COL4A6: variants seen among roughly 807,000 people sequenced by gnomAD.
COL4A6 encodes collagen type IV alpha 6 chain.
In COL4A6, 59 loss-of-function variants were observed where a neutral mutation model predicts 126.7. That is an observed-to-expected ratio of 0.47 (90% CI 0.38 to 0.58). COL4A6 has a LOEUF of 0.58. Among genes scored for constraint, COL4A6 ranks in the 20% least tolerant of loss-of-function variants. COL4A6 has a pLI of 0.00. For missense variants in COL4A6, 1,285 were observed against 1,337.3 expected, an observed-to-expected ratio of 0.96 and a Z score of 0.61; for synonymous variants, 547 against 496.6, an observed-to-expected ratio of 1.10 and a Z score of -1.35.
chrX:108,316,230 C>G lies in COL4A6; in HGVS notation c.64-5402G>C, dbSNP rs1418747896. On this transcript the variant is annotated intron_variant, in intron 2 of 44. Transcript: ENST00000334504. Reference sequence around the variant, plus strand: ...AAGACTGGCTGTGTATAATTTTATTCTCACCATTCATTCAACAAATATTTA... The same window carrying G: ...AAGACTGGCTGTGTATAATTTTATTGTCACCATTCATTCAACAAATATTTA... 2.7e-5 allele frequency among the ~76,000 whole-genome samples: 3 copies of G among 112,152 alleles called. No homozygotes were observed. The Admixed American group carries it at 2.8e-4, about 11-fold the overall frequency.
chrX:108,423,392 G>C (rs1329149274), intron 2 of COL4A6, among the ~76,000 whole-genome samples: 1 of 111,954 alleles, frequency 8.9e-6, no homozygotes, highest in Non-Finnish European at 1.9e-5. Flanking sequence ...GTAATGCTAA[G>C]AGTGTTATGT....
Position 108,161,857 on chromosome X carries a change from G to A in COL4A6, c.4217-122C>T, listed in dbSNP as rs756346230. ...CTAGGAGACGATGCACTTGGCTGTC[G>A]ACTTGGTGTGCACACTGCACATCAA... On this transcript the variant is annotated intron_variant, in intron 41 of 44. Transcript: ENST00000334504. The A allele has an allele frequency of 4.2e-5, 20 of 476,719 alleles. No individual in the cohort carries two copies. In the South Asian group the frequency reaches 4.6e-4, roughly 11 times the overall value. 39.3% of individuals were successfully genotyped at this position (476,719 alleles called of 1,213,427 possible).
chrX:108,277,442 T>C (rs2037642871), intron 3 of COL4A6, among the ~76,000 whole-genome samples: 1 of 111,853 alleles, frequency 8.9e-6, no homozygotes, highest in Non-Finnish European at 1.9e-5. Flanking sequence ...GGGGGATGGG[T>C]GCCCACCATT....
At chrX:108,160,842 T>C (rs1402123803) in intron 42 of COL4A6, among the ~76,000 whole-genome samples, 188 bp from the exon 43 acceptor site, 1 of 112,428 alleles carries the variant, frequency 8.9e-6, no homozygotes, top group Non-Finnish European at 1.9e-5. Context: ...TCAGATGTCC[T>C]ACAGCTAGTA....
At chrX:108,219,592 C>G (rs1267940187) in intron 5 of COL4A6, 106 bp downstream of exon 5, 14 of 720,569 alleles carry the variant, frequency 1.9e-5, no homozygotes, top group Non-Finnish European at 3.0e-5. Context: ...AACACTTGTT[C>G]CTGAGCATGC....
chrX:108,265,417 T>C (rs977346043), intron 3 of COL4A6, among the ~76,000 whole-genome samples: 4 of 110,372 alleles, frequency 3.6e-5, no homozygotes, highest in African/African-American at 9.9e-5. Flanking sequence ...ACATGGAACT[T>C]ATATCTAGAG....
chrX:108,156,742 A>G lies in COL4A6; in HGVS notation c.*258T>C, dbSNP rs2033749411. 1 of 401,022 alleles carries G rather than the reference A, an allele frequency of 2.5e-6. No individual in the cohort carries two copies. Among genetic ancestry groups the G allele is most frequent in the Non-Finnish European group, 4.3e-6 (1 of 231,199 alleles). The allele number at this position is 401,022 out of a possible 1,213,427, so 33.0% of individuals were successfully genotyped here. ...TCAAATCTTTCTGAGGTAGCCATGAATAGTCACACAATCATCCAAATCAAA... is the reference window on the plus strand; with the variant it reads ...TCAAATCTTTCTGAGGTAGCCATGAGTAGTCACACAATCATCCAAATCAAA... On this transcript the variant is annotated 3_prime_UTR_variant, in exon 45 of 45. Coordinates refer to ENST00000334504, the MANE Select transcript of COL4A6 (RefSeq NM_033641.4).
rs747025580 is a variant in COL4A6, at chrX:108,180,978, G to GT, written c.1952-11dup. The stretch of plus-strand genomic sequence containing the variant: ...CAGGGCAGGGTGATTCCTGTAAATG[G>GT]TAACATGTGTGCATTCAGTGAACCC... On this transcript the variant is annotated splice_polypyrimidine_tract_variant and intron_variant, in intron 23 of 44. Transcript: ENST00000334504. The GT allele has an allele frequency of 8.4e-7, 1 of 1,194,235 alleles. No individual in the cohort carries two copies. Among genetic ancestry groups the GT allele is most frequent in the Admixed American group, 2.2e-5 (1 of 45,820 alleles).
intron 3 of COL4A6, among the ~76,000 whole-genome samples, chrX:108,257,300 A>G (rs772248329): frequency 2.7e-5 from 3 of 111,813 alleles, no homozygotes; most frequent in Admixed American, 9.4e-5. Flanking sequence ...ATGATGTTCC[A>G]GTGAACCAAG....
upstream of COL4A6, among the ~76,000 whole-genome samples, chrX:108,439,032 G>A (rs1326656809): frequency 5.3e-5 from 6 of 112,184 alleles, no homozygotes; most frequent in South Asian, 3.7e-4. Flanking sequence ...GTCTTTATAT[G>A]GGAGATATCG....
chrX:108,317,242 C>G (rs1434626830), intron 2 of COL4A6, among the ~76,000 whole-genome samples: 1 of 112,127 alleles, frequency 8.9e-6, no homozygotes, highest in Non-Finnish European at 1.9e-5. Flanking sequence ...AAGAATGACT[C>G]CAAAGTTTCT....
intron 2 of COL4A6, among the ~76,000 whole-genome samples, chrX:108,416,631 G>A (rs1405797535): frequency 1.8e-5 from 2 of 111,894 alleles, no homozygotes. Context: ...GTATTAGGGA[G>A]TTCCTAAGAT....
rs1275008801 is a variant in COL4A6, at chrX:108,195,339, T to C, written c.904-213A>G. On this transcript the variant is annotated intron_variant, in intron 14 of 44. Transcript: ENST00000334504. ...CAGGCTGGAGTGCAGTGGTACAATC[T>C]CGGCTCACTGCAACCTCCGCCTCCA... Among the ~76,000 whole-genome samples the C allele has an allele frequency of 1.0e-4, 11 of 109,279 alleles. No individual in the cohort carries two copies. In the Admixed American group the frequency reaches 1.1e-3, roughly 11 times the overall value. 94.9% of individuals were successfully genotyped at this position (109,279 alleles called of 115,157 possible). A position where few individuals can be genotyped will look rare whatever the true frequency, so the allele number is the denominator to read the frequency against.
chrX:108,195,394 C>T (rs1465216448), intron 14 of COL4A6, among the ~76,000 whole-genome samples: 2 of 111,328 alleles, frequency 1.8e-5, no homozygotes, highest in Non-Finnish European at 1.9e-5. Flanking sequence ...GCCTCAGCCC[C>T]CCAAGTAGCT....
chrX:108,320,529 G>A (rs778317098), intron 2 of COL4A6, among the ~76,000 whole-genome samples: 2 of 111,112 alleles, frequency 1.8e-5, no homozygotes, highest in East Asian at 5.7e-4. Flanking sequence ...GTGGGCAAGG[G>A]GCAGTAGAAA....
chrX:108,423,908 A>T, intron 2 of COL4A6, among the ~76,000 whole-genome samples: 1 of 111,455 alleles, frequency 9.0e-6, no homozygotes, highest in Non-Finnish European at 1.9e-5. Context: ...AGTTGTAACA[A>T]CACCCACATC....
At chrX:108,210,683 C>G (rs1359405271) in intron 7 of COL4A6, among the ~76,000 whole-genome samples, 1 of 112,092 alleles carries the variant, frequency 8.9e-6, no homozygotes, top group East Asian at 2.8e-4. Context: ...AGAGCACTGC[C>G]TGAGTTTTAG....
In COL4A6 at chrX:108,188,017, C is replaced by G. The variant is rs1338122909; in HGVS notation, c.1598G>C (p.Gly533Ala). 8.4e-7 allele frequency: 1 copy of G among 1,186,331 alleles called. No homozygotes were observed. The highest frequency in any genetic ancestry group is 1.9e-5 in the South Asian group (1 of 53,467). Residue 533 changes from glycine to alanine, a missense_variant, in exon 22 of 45, where the codon GGG (glycine) becomes GCG (alanine). By Grantham distance (60) the Gly-to-Ala change is moderately conservative. Transcript: ENST00000334504. The part of the protein sequence containing the change: ...QGPAGAPGLV[G>A]PLGPSGPKGK... Reference sequence around the variant, plus strand: ...TTTGGGTCCTGAAGGACCCAGAGGCCCAACTAAGCCCTGACAAAGAAAAGA... The same window carrying G: ...TTTGGGTCCTGAAGGACCCAGAGGCGCAACTAAGCCCTGACAAAGAAAAGA...
At chrX:108,275,418 C>G (rs1169712728) in intron 3 of COL4A6, among the ~76,000 whole-genome samples, 1 of 112,297 alleles carries the variant, frequency 8.9e-6, no homozygotes, top group African/African-American at 3.2e-5. Context: ...ATGGCACACT[C>G]AAATTACTCC....
Sources: gnomAD v4.1 joint callset for allele counts (sites outside exome capture counted in the v4.1 genomes callset) on GRCh38, gnomAD v4.1.1 for gene constraint, MANE v1.5 for transcripts, NCBI Gene and HGNC (gene_info 2026-07-23, HGNC 2026-07-21) for gene names.